PAK2: variants seen among roughly 807,000 people sequenced by gnomAD.
PAK2 encodes the protein serine/threonine-protein kinase PAK 2.
In PAK2, 21 loss-of-function variants were observed where a neutral mutation model predicts 65.9. The ratio of observed to expected loss-of-function variants is 0.32; its 90% CI spans 0.23 to 0.46. PAK2 has a LOEUF of 0.46. Among genes scored for constraint, PAK2 ranks in the 20% least tolerant of loss-of-function variants. The pLI is 1.00. For missense variants in PAK2, 324 were observed against 642.6 expected (o/e 0.50, Z 5.36); for synonymous variants, 204 against 219.7 (o/e 0.93, Z 0.63).
chr3:196,769,051 G>A lies in PAK2; in HGVS notation c.-21-13575G>A, dbSNP rs1577709353. The stretch of plus-strand genomic sequence containing the variant: ...GATGTAAACATTCAGAGCTAGCTGG[G>A]CACTGTAGTGCACACCTATAATCCC... On this transcript the variant is annotated intron_variant, in intron 1 of 14. Transcript: ENST00000327134. Among the ~76,000 whole-genome samples, 3 of 152,164 alleles carry A rather than the reference G, an allele frequency of 2.0e-5. No homozygotes were observed. In the South Asian group the frequency reaches 6.2e-4, roughly 32 times the overall value.
At chr3:196,777,631 G>A (rs1023386941) in intron 1 of PAK2, among the ~76,000 whole-genome samples, 1 of 152,090 alleles carries the variant, frequency 6.6e-6, no homozygotes, top group East Asian at 1.9e-4. Context: ...TTTTGAGAAC[G>A]GCTACTTTGA....
intron 1 of PAK2, among the ~76,000 whole-genome samples, chr3:196,777,345 A>G (rs1375406227): frequency 6.6e-6 from 1 of 152,074 alleles, no homozygotes; most frequent in East Asian, 1.9e-4. Context: ...CTGGGACTAC[A>G]GACACGCGCC....
At chr3:196,800,916 C>T (rs1715405713) in intron 2 of PAK2, among the ~76,000 whole-genome samples, 2 of 151,856 alleles carry the variant, frequency 1.3e-5, no homozygotes, top group Non-Finnish European at 2.9e-5. Context: ...ACGGTAACTG[C>T]AGGAAGCGTA....
intron 2 of PAK2, among the ~76,000 whole-genome samples, chr3:196,788,815 A>AG (rs1714977256): frequency 6.6e-6 from 1 of 152,218 alleles, no homozygotes; most frequent in Admixed American, 6.6e-5. Flanking sequence ...GAGGGATCAG[A>AG]GCACATCCAT....
intron 1 of PAK2, among the ~76,000 whole-genome samples, chr3:196,768,811 G>A (rs150700019): frequency 1.3e-5 from 2 of 151,850 alleles, no homozygotes; most frequent in African/African-American, 2.4e-5. Flanking sequence ...GATTACAGAC[G>A]CGTCTCATCA....
chr3:196,817,989 C>T, intron 11 of PAK2, 68 bp from the exon 12 acceptor site: 1 of 697,926 alleles, frequency 1.4e-6, no homozygotes, highest in Non-Finnish European at 2.7e-6. Context: ...CAGGCCATAG[C>T]TACTGCATGT....
chr3:196,760,588 A>G (rs1459241100), intron 1 of PAK2, among the ~76,000 whole-genome samples: 1 of 152,106 alleles, frequency 6.6e-6, no homozygotes, highest in African/African-American at 2.4e-5. Context: ...TCATATTTCT[A>G]CAGTGATAAG....
chr3:196,806,101 CG>C (rs1241709543), intron 5 of PAK2, among the ~76,000 whole-genome samples: 1 of 151,616 alleles, frequency 6.6e-6, no homozygotes, highest in Non-Finnish European at 1.5e-5. Flanking sequence ...TTAGTAGAGA[CG>C]GGGTTTTACC....
chr3:196,817,347 G>A (rs545270638), intron 11 of PAK2, among the ~76,000 whole-genome samples: 1 of 147,668 alleles, frequency 6.8e-6, no homozygotes, highest in South Asian at 2.2e-4. Context: ...CTTTCTTTCT[G>A]TCCGTCTTTT....
chr3:196,789,608 G>A lies in PAK2; in HGVS notation c.187+6775G>A, dbSNP rs1577723020. ...CTCCCGAGTAGCTGGGACTAGAGGTGCACGCCACCACGCCCAGCTAATTTT... is the reference window on the plus strand; with the variant it reads ...CTCCCGAGTAGCTGGGACTAGAGGTACACGCCACCACGCCCAGCTAATTTT... On this transcript the variant is annotated intron_variant, in intron 2 of 14. Coordinates refer to ENST00000327134, the MANE Select transcript of PAK2 (RefSeq NM_002577.4). Among the ~76,000 whole-genome samples the A allele has an allele frequency of 5.3e-5, 8 of 152,130 alleles. 1 individual carries two copies. In the South Asian group the frequency reaches 1.7e-3, roughly 32 times the overall value.
intron 1 of PAK2, among the ~76,000 whole-genome samples, chr3:196,751,176 A>G (rs1030036556): frequency 6.6e-6 from 1 of 152,148 alleles, no homozygotes; most frequent in South Asian, 2.1e-4. Flanking sequence ...CATGTAGCGC[A>G]GTATTTTCAG....
chr3:196,766,931 C>CGTGT (rs60929724), intron 1 of PAK2, among the ~76,000 whole-genome samples: 40,709 of 133,980 alleles, frequency 0.3, 6,422 homozygotes, highest in Non-Finnish European at 0.36. Context: ...AAGTACACCC[C>CGTGT]GTGTGTGTGT....
intron 1 of PAK2, among the ~76,000 whole-genome samples, chr3:196,748,456 A>C (rs1489906559): frequency 6.6e-6 from 1 of 152,110 alleles, no homozygotes. Context: ...TGGTTTCCGC[A>C]CCTTAAAACT....
chr3:196,832,603 A>C lies in PAK2; in HGVS notation c.*4198A>C, dbSNP rs1440084411. On this transcript the variant is annotated 3_prime_UTR_variant, in exon 15 of 15. Transcript: ENST00000327134. ...ATTTAAATGTCTTAATAGGTTTTCA[A>C]AGAACATTTAGTATTTTTAGTGATA... The C allele has an allele frequency of 6.6e-6, 1 of 152,132 alleles. No individual in the cohort carries two copies. The highest frequency in any genetic ancestry group is 1.5e-5 in the Non-Finnish European group (1 of 68,028). The allele number at this position is 152,132 out of a possible 1,614,324, so 9.4% of individuals were successfully genotyped here.
intron 1 of PAK2, among the ~76,000 whole-genome samples, chr3:196,764,912 G>A (rs1213818183): frequency 7.0e-6 from 1 of 142,732 alleles, no homozygotes; most frequent in Non-Finnish European, 1.5e-5. Context: ...GTGCGATCTC[G>A]GCTCACTGCA....
intron 4 of PAK2, among the ~76,000 whole-genome samples, chr3:196,805,117 A>G (rs1410010356): frequency 1.3e-5 from 2 of 152,182 alleles, no homozygotes; most frequent in East Asian, 3.9e-4. Flanking sequence ...ACCCATTTTA[A>G]ATATATAATT....
At position 196,830,377 on chromosome 3, in the gene PAK2, C is replaced by G. The variant is rs1451191596; in HGVS notation, c.*1972C>G. 6.6e-6 allele frequency: 1 copy of G among 152,176 alleles called. No individual in the cohort carries two copies. Among genetic ancestry groups the G allele is most frequent in the Non-Finnish European group, 1.5e-5 (1 of 68,042 alleles). 9.4% of individuals were successfully genotyped at this position (152,176 alleles called of 1,614,324 possible). ...CTGGTTTATTTCTGGCAGAAAGCTG[C>G]AGTGCCACCTGAGTTCCAAATTTTA... On this transcript the variant is annotated 3_prime_UTR_variant, in exon 15 of 15. Transcript: ENST00000327134.
chr3:196,812,888 G>T (rs527919265), intron 10 of PAK2, 37 bp downstream of exon 10: 3 of 927,238 alleles, frequency 3.2e-6, no homozygotes, highest in South Asian at 2.8e-5. Flanking sequence ...GGGAGAAAAT[G>T]TAGAAATTTT....
intron 1 of PAK2, chr3:196,747,275 C>G (rs1027683456): frequency 1.4e-4 from 21 of 151,796 alleles, no homozygotes; most frequent in Admixed American, 6.6e-5. Context: ...GAGCGGTAAT[C>G]GCTCCTCGGA....
Sources: gnomAD v4.1 joint callset for allele counts (sites outside exome capture counted in the v4.1 genomes callset) on GRCh38, gnomAD v4.1.1 for gene constraint, MANE v1.5 for transcripts, NCBI Gene and HGNC (gene_info 2026-07-23, HGNC 2026-07-21) for gene names.